The following GRIA4 variants were observed in gnomAD, a reference collection of about 807,000 sequenced individuals.
GRIA4 encodes glutamate receptor 4.
A neutral mutation model predicts 104.0 loss-of-function variants in GRIA4; 34 were observed. The observed-to-expected ratio is 0.33, with a 90% CI of 0.25 to 0.44. The LOEUF is 0.44. Ranked by LOEUF, GRIA4 falls within the 20% of genes least tolerant of loss-of-function variation. The pLI, the probability that GRIA4 is intolerant of heterozygous loss-of-function variation, is 1.00. For synonymous variants in GRIA4, 386 were observed against 381.9 expected (o/e 1.01, Z -0.13); for missense variants, 750 against 1,096.5 (o/e 0.68, Z 4.46).
At chr11:105,728,215 G>C (rs1156547770) in intron 3 of GRIA4, among the ~76,000 whole-genome samples, 1 of 152,148 alleles carries the variant, frequency 6.6e-6, no homozygotes, top group Admixed American at 6.5e-5. Flanking sequence ...AGAAGCAGGG[G>C]TTGCAATCCT....
rs1232264755 is a variant in GRIA4 at position 105,611,079 on chromosome 11, C to A, written c.82C>A (p.Gln28Lys). 1 of 1,610,762 alleles carries A rather than the reference C, an allele frequency of 6.2e-7. No homozygotes were observed. Among genetic ancestry groups the A allele is most frequent in the African/African-American group, 1.3e-5 (1 of 74,800 alleles). The change falls in exon 2 of 17, where the codon CAA becomes AAA. Residue 28 changes from glutamine (Q) to lysine (K), a missense_variant. By Grantham distance (53) the Gln-to-Lys change is moderately conservative (BLOSUM62 1). Coordinates refer to ENST00000282499, the MANE Select transcript of GRIA4 (RefSeq NM_000829.4). ...CATGGGAGCCTTTCCGAGCAGCGTGCAAATAGGTAAGGTGTGCTCCGATGG... is the reference window on the plus strand; with the variant it reads ...CATGGGAGCCTTTCCGAGCAGCGTGAAAATAGGTAAGGTGTGCTCCGATGG... ...LAMGAFPSSV[Q>K]IGGLFIRNTD...
At chr11:105,913,794 C>T (rs1048936643) in intron 10 of GRIA4, among the ~76,000 whole-genome samples, 2 of 152,028 alleles carry the variant, frequency 1.3e-5, no homozygotes, top group Admixed American at 1.3e-4. Flanking sequence ...CATTGCTCAA[C>T]TACAAAGATT....
At chr11:105,843,119 T>C (rs1435443691) in intron 4 of GRIA4, among the ~76,000 whole-genome samples, 1 of 152,178 alleles carries the variant, frequency 6.6e-6, no homozygotes, top group Non-Finnish European at 1.5e-5. Flanking sequence ...TTTTCATTTG[T>C]TTGTTTTTAA....
intron 14 of GRIA4, among the ~76,000 whole-genome samples, chr11:105,959,797 TTTG>T (rs1284942175): frequency 7.9e-5 from 12 of 152,182 alleles, no homozygotes; most frequent in South Asian, 2.1e-4. Context: ...TGGGGGACTT[TTTG>T]TTGTTGTTGT....
At chr11:105,716,747 A>T (rs984431398) in intron 3 of GRIA4, among the ~76,000 whole-genome samples, 2 of 152,166 alleles carry the variant, frequency 1.3e-5, no homozygotes, top group Non-Finnish European at 2.9e-5. Flanking sequence ...TTCATAACTC[A>T]GCAGAAACAT....
chr11:105,785,326 T>C (rs1941911475), intron 4 of GRIA4, among the ~76,000 whole-genome samples: 1 of 152,200 alleles, frequency 6.6e-6, no homozygotes, highest in Admixed American at 6.5e-5. Flanking sequence ...CATATATTGA[T>C]AATTGCTATT....
chr11:105,842,054 T>A (rs200752046), intron 4 of GRIA4, among the ~76,000 whole-genome samples: 1 of 152,114 alleles, frequency 6.6e-6, no homozygotes, highest in East Asian at 1.9e-4. Flanking sequence ...GAAGTTACCA[T>A]CTGAGTGCAA....
chr11:105,915,232 C>A (rs1342935480), intron 10 of GRIA4, among the ~76,000 whole-genome samples: 1 of 152,174 alleles, frequency 6.6e-6, no homozygotes, highest in East Asian at 1.9e-4. Context: ...CTGTCTGCAT[C>A]ACTCATCTTG....
intron 14 of GRIA4, among the ~76,000 whole-genome samples, chr11:105,944,417 CAATT>C (rs1948255438): frequency 6.6e-6 from 1 of 152,138 alleles, no homozygotes; most frequent in Non-Finnish European, 1.5e-5. Flanking sequence ...AGAATTCAAT[CAATT>C]GTCTGGTATT....
intron 4 of GRIA4, among the ~76,000 whole-genome samples, chr11:105,839,889 A>G (rs1163613566): frequency 6.6e-6 from 1 of 152,086 alleles, no homozygotes; most frequent in African/African-American, 2.4e-5. Context: ...GTTAACCATA[A>G]TAAACTTTTT....
rs75725701 is a variant in GRIA4 at position 105,936,518 on chromosome 11, T to A, written c.2294+2549T>A. On this transcript the variant is annotated intron_variant, in intron 14 of 16. Transcript: ENST00000282499. The stretch of plus-strand genomic sequence containing the variant: ...TGCTATTCAGATTCATTAGGCAATG[T>A]CAGACTTTAAGCAAAAGAAAACAGT... Among the ~76,000 whole-genome samples, 133 of 152,308 alleles carry A rather than the reference T, an allele frequency of 8.7e-4. 1 individual carries two copies. The East Asian group carries it at 0.023, about 27-fold the overall frequency.
intron 4 of GRIA4, chr11:105,797,830 G>T (rs868354982): frequency 6.6e-6 from 3 of 455,404 alleles, no homozygotes; most frequent in African/African-American, 4.0e-5. Context: ...CTCCATAACT[G>T]CTTGCCTTTT....
At chr11:105,685,935 A>T (rs1952866597) in intron 3 of GRIA4, among the ~76,000 whole-genome samples, 1 of 151,392 alleles carries the variant, frequency 6.6e-6, no homozygotes. Context: ...AAGTCACATT[A>T]AAAAAAAGAA....
intron 5 of GRIA4, among the ~76,000 whole-genome samples, chr11:105,879,607 C>T (rs1945970820): frequency 6.6e-6 from 1 of 152,186 alleles, no homozygotes; most frequent in Non-Finnish European, 1.5e-5. Flanking sequence ...CCTGATAATT[C>T]TCCACCTGTG....
At chr11:105,716,877 T>C (rs1954109922) in intron 3 of GRIA4, among the ~76,000 whole-genome samples, 2 of 152,088 alleles carry the variant, frequency 1.3e-5, no homozygotes, top group Admixed American at 1.3e-4. Flanking sequence ...ATTACCTCGA[T>C]GCCTTACTTT....
At position 105,974,454 on chromosome 11, in the gene GRIA4, A is replaced by G. The variant is rs1288595883; in HGVS notation, c.2544+10A>G. 1.9e-6 allele frequency: 3 copies of G among 1,613,892 alleles called. No individual in the cohort carries two copies. The highest frequency in any genetic ancestry group is 1.7e-6 in the Non-Finnish European group (2 of 1,179,892). ...AGCGAAGAGAATGAAGGTGGCAAAGAGTGCACAGACTTTTAACCCAACTTC... is the reference window on the plus strand; with the variant it reads ...AGCGAAGAGAATGAAGGTGGCAAAGGGTGCACAGACTTTTAACCCAACTTC... On this transcript the variant is annotated intron_variant, in intron 16 of 16. Transcript: ENST00000282499.
chr11:105,847,801 T>A (rs1944652264), intron 4 of GRIA4, among the ~76,000 whole-genome samples: 1 of 152,166 alleles, frequency 6.6e-6, no homozygotes, highest in East Asian at 1.9e-4. Flanking sequence ...AAATATTAGA[T>A]TTGGAAAACT....
At chr11:105,696,963 C>T (rs755529123) in intron 3 of GRIA4, among the ~76,000 whole-genome samples, 2 of 152,030 alleles carry the variant, frequency 1.3e-5, no homozygotes, top group African/African-American at 2.4e-5. Flanking sequence ...GGGGTTTCAC[C>T]GTGTTGGCCA....
chr11:105,651,589 G>T (rs1236246661), intron 3 of GRIA4, among the ~76,000 whole-genome samples: 2 of 152,034 alleles, frequency 1.3e-5, no homozygotes, highest in African/African-American at 4.8e-5. Context: ...TCCTAATGAA[G>T]ACCTATCTTT....
Sources: gnomAD v4.1 joint callset for allele counts (sites outside exome capture counted in the v4.1 genomes callset) on GRCh38, gnomAD v4.1.1 for gene constraint, MANE v1.5 for transcripts, NCBI Gene and HGNC (gene_info 2026-07-23, HGNC 2026-07-21) for gene names.